The following ARK2C variants were observed in gnomAD, a reference collection of about 807,000 sequenced individuals.
The protein encoded by ARK2C is arkadia (RNF111) C-terminal like ring finger ubiquitin ligase 2C, also known as E3 ubiquitin-protein ligase ARK2C.
the ARK2C span, among the ~76,000 whole-genome samples, chr18:46,347,583 G>A: frequency 1.8e-3 from 267 of 152,266 alleles, 5 homozygotes; most frequent in South Asian, 0.05. Flanking sequence ...TTACCTGCCA[G>A]GTGAGTTTAA....
the ARK2C span, among the ~76,000 whole-genome samples, chr18:46,422,896 C>T: frequency 6.6e-6 from 1 of 152,198 alleles, no homozygotes. Flanking sequence ...TCAAATCCGC[C>T]TACTGGAAAG....
the ARK2C span, among the ~76,000 whole-genome samples, chr18:46,418,768 C>A: frequency 2.4e-3 from 366 of 152,346 alleles, 3 homozygotes; most frequent in Admixed American, 4.7e-3. Context: ...GAGCTATCAA[C>A]TGGCTATATC....
chr18:46,444,638 A>ATT, the ARK2C span, among the ~76,000 whole-genome samples: 110 of 139,240 alleles, frequency 7.9e-4, no homozygotes, highest in African/African-American at 2.3e-3. Context: ...TAATTTAAAC[A>ATT]TTTTTTTTTT....
chr18:46,461,812 T>C, the ARK2C span: 1 of 152,198 alleles, frequency 6.6e-6, no homozygotes. Context: ...ATCCTGTGGG[T>C]GACAGGGAGG....
At chr18:46,348,900 CTG>C in the ARK2C span, among the ~76,000 whole-genome samples, 16,225 of 144,282 alleles carry the variant, frequency 0.11, 1,346 homozygotes, top group African/African-American at 0.23. Flanking sequence ...CTCTCTCTTT[CTG>C]TGTGTGTGTG....
chr18:46,346,782 C>T, the ARK2C span, among the ~76,000 whole-genome samples: 10 of 152,192 alleles, frequency 6.6e-5, no homozygotes, highest in Non-Finnish European at 1.3e-4. Context: ...CATGCAAACA[C>T]ACCTCTGCTT....
chr18:46,344,773 C>A, the ARK2C span, among the ~76,000 whole-genome samples: 1 of 152,216 alleles, frequency 6.6e-6, no homozygotes, highest in Non-Finnish European at 1.5e-5. Context: ...GACTTGGGCC[C>A]AAAGAACTGG....
chr18:46,446,670 CAAAAAAAAAAA>C, the ARK2C span, among the ~76,000 whole-genome samples: 1 of 34,396 alleles, frequency 2.9e-5, no homozygotes, highest in Non-Finnish European at 5.2e-5. Flanking sequence ...GACTCCATCT[CAAAAAAAAAAA>C]AAAAAAAAAA....
the ARK2C span, among the ~76,000 whole-genome samples, chr18:46,414,690 A>G: frequency 6.6e-6 from 1 of 152,160 alleles, no homozygotes; most frequent in Admixed American, 6.5e-5. Flanking sequence ...TCACAGACAC[A>G]TGCACATACA....
At chr18:46,374,735 C>A in the ARK2C span, among the ~76,000 whole-genome samples, 5 of 152,148 alleles carry the variant, frequency 3.3e-5, no homozygotes, top group Non-Finnish European at 7.3e-5. Context: ...CTAGTAAATA[C>A]AGCACACAAA....
At chr18:46,420,434 T>C in the ARK2C span, among the ~76,000 whole-genome samples, 1 of 152,228 alleles carries the variant, frequency 6.6e-6, no homozygotes, top group East Asian at 1.9e-4. Context: ...CTGTGTGTTC[T>C]GCACACCTCA....
the ARK2C span, among the ~76,000 whole-genome samples, chr18:46,355,973 G>A: frequency 6.6e-6 from 1 of 152,150 alleles, no homozygotes; most frequent in African/African-American, 2.4e-5. Context: ...CTGAGGGATG[G>A]GGCTGCTGGG....
chr18:46,440,252 T>C, the ARK2C span, among the ~76,000 whole-genome samples: 1 of 152,032 alleles, frequency 6.6e-6, no homozygotes, highest in Non-Finnish European at 1.5e-5. Flanking sequence ...GGTCTGAAGA[T>C]ATTACAGCAT....
chr18:46,392,362 A>T, the ARK2C span, among the ~76,000 whole-genome samples: 1 of 152,234 alleles, frequency 6.6e-6, no homozygotes, highest in Non-Finnish European at 1.5e-5. Flanking sequence ...TGCTATGCAG[A>T]TTGTCCTGGT....
the ARK2C span, among the ~76,000 whole-genome samples, chr18:46,416,771 A>C: frequency 1.2e-4 from 19 of 152,236 alleles, no homozygotes; most frequent in Non-Finnish European, 2.5e-4. Context: ...ATTCTCCAGC[A>C]GGTTAGCCTG....
the ARK2C span, among the ~76,000 whole-genome samples, chr18:46,366,836 T>C: frequency 2.6e-5 from 4 of 152,334 alleles, no homozygotes; most frequent in East Asian, 5.8e-4. Flanking sequence ...AGTCAGACGC[T>C]GTGCTAGGTA....
chr18:46,392,775 C>T, the ARK2C span, among the ~76,000 whole-genome samples: 3 of 152,162 alleles, frequency 2.0e-5, no homozygotes, highest in African/African-American at 4.8e-5. Flanking sequence ...CCAGCCCGGA[C>T]GGGGCCTGTG....
the ARK2C span, among the ~76,000 whole-genome samples, chr18:46,353,178 G>T: frequency 3.3e-5 from 5 of 152,244 alleles, no homozygotes; most frequent in Admixed American, 6.5e-5. Flanking sequence ...TAGAATGTTA[G>T]ATCTAAAAAT....
At chr18:46,441,702 C>A in the ARK2C span, among the ~76,000 whole-genome samples, 7 of 151,334 alleles carry the variant, frequency 4.6e-5, no homozygotes, top group Non-Finnish European at 1.0e-4. Context: ...TCCTGGCTAT[C>A]ATGGTGAAAC....
Sources: gnomAD v4.1 joint callset for allele counts (sites outside exome capture counted in the v4.1 genomes callset) on GRCh38, gnomAD v4.1.1 for gene constraint, MANE v1.5 for transcripts, NCBI Gene and HGNC (gene_info 2026-07-23, HGNC 2026-07-21) for gene names.